Variants in EFCAB3 observed in about 807,000 individuals in gnomAD.
The protein encoded by EFCAB3 is EF-hand calcium binding domain 3, also known as EF-hand calcium-binding domain-containing protein 3.
EFCAB3 carries 36 observed loss-of-function variants against 42.2 expected under a neutral mutation model. The observed-to-expected ratio is 0.85, with a 90% CI of 0.65 to 1.13. EFCAB3 has a LOEUF of 1.13. EFCAB3 is among the 50% of genes most tolerant of loss of function. The pLI is 0.00. For synonymous variants in EFCAB3, 170 were observed against 172.8 expected (o/e 0.98, Z 0.13); for missense variants, 418 against 505.1 (o/e 0.83, Z 1.65).
chr17:62,407,119 CA>C lies in EFCAB3; in HGVS notation c.777del (p.Asp260ThrfsTer5). On this transcript the variant is annotated frameshift_variant, in exon 8 of 10. Coordinates refer to ENST00000305286, the MANE Select transcript of EFCAB3 (RefSeq NM_173503.4). LOFTEE classifies it high-confidence loss of function. Reference sequence around the variant, plus strand: ...ATGGGGTGGTGATGGGAAAGCCATTCAAAGACATGCAGAAATTAGAGATGCT... The same window carrying C: ...ATGGGGTGGTGATGGGAAAGCCATTCAAGACATGCAGAAATTAGAGATGCT... The part of the protein sequence containing the change: ...VDGVVMGKPF[K>X]DMQKLEMLRI... The C allele has an allele frequency of 6.2e-7, 1 of 1,613,178 alleles. No individual in the cohort carries two copies. Among genetic ancestry groups the C allele is most frequent in the Non-Finnish European group, 8.5e-7 (1 of 1,179,608 alleles).
At chr17:62,397,825 C>G in intron 6 of EFCAB3, 1 of 298,958 alleles carries the variant, frequency 3.3e-6, no homozygotes, top group Admixed American at 4.4e-5. Context: ...GAGTTCGAGA[C>G]CAGCCTGGCC....
chr17:62,407,660 A>AC (rs2070460100), intron 8 of EFCAB3, among the ~76,000 whole-genome samples: 1 of 152,090 alleles, frequency 6.6e-6, no homozygotes, highest in East Asian at 1.9e-4. Context: ...TCCCAGCTGC[A>AC]CCTTCTGGCC....
rs556506155 is a variant in EFCAB3 at position 62,411,413 on chromosome 17, A to G, written c.868-2319A>G. ...TGAAGAAAACACCCTGGAGCAGCAT[A>G]TATAAAAGAAAATACAACTTGAAAC... On this transcript the variant is annotated intron_variant, in intron 8 of 9. Coordinates refer to ENST00000305286, the MANE Select transcript of EFCAB3 (RefSeq NM_173503.4). Among the ~76,000 whole-genome samples, 34 of 152,314 alleles carry G rather than the reference A, an allele frequency of 2.2e-4. No individual in the cohort carries two copies. In the South Asian group the frequency reaches 5.0e-3, roughly 22 times the overall value.
chr17:62,396,459 A>T (rs1284851044), intron 6 of EFCAB3, among the ~76,000 whole-genome samples: 1 of 152,092 alleles, frequency 6.6e-6, no homozygotes, highest in Non-Finnish European at 1.5e-5. Flanking sequence ...AGGCTGAGGC[A>T]GGAGAATAGC....
intron 6 of EFCAB3, among the ~76,000 whole-genome samples, chr17:62,399,639 A>G (rs1051037638): frequency 6.6e-6 from 1 of 151,850 alleles, no homozygotes; most frequent in Non-Finnish European, 1.5e-5. Context: ...TTTTCCCTCT[A>G]TCTGGATACT....
chr17:62,405,170 T>C (rs1318311207), intron 6 of EFCAB3, among the ~76,000 whole-genome samples: 3 of 152,220 alleles, frequency 2.0e-5, no homozygotes, highest in Non-Finnish European at 4.4e-5. Flanking sequence ...AAACTGAGTC[T>C]TGAAGGACCT....
At chr17:62,371,538 C>T (rs943965992) in intron 1 of EFCAB3, among the ~76,000 whole-genome samples, 1 of 152,170 alleles carries the variant, frequency 6.6e-6, no homozygotes, top group African/African-American at 2.4e-5. Context: ...AGCCTGGTGA[C>T]AGAGTGAGAC....
intron 3 of EFCAB3, among the ~76,000 whole-genome samples, chr17:62,388,360 G>C (rs1004740699): frequency 6.6e-6 from 1 of 152,202 alleles, no homozygotes; most frequent in African/African-American, 2.4e-5. Flanking sequence ...CCCAGAGAAG[G>C]CTGAATGACG....
chr17:62,372,177 G>A (rs542150426), intron 1 of EFCAB3, among the ~76,000 whole-genome samples: 7 of 152,248 alleles, frequency 4.6e-5, no homozygotes, highest in Non-Finnish European at 7.4e-5. Context: ...GAACCAATCC[G>A]TTGCAAACAT....
chr17:62,397,561 G>T, intron 6 of EFCAB3: 1 of 591,278 alleles, frequency 1.7e-6, no homozygotes, highest in Non-Finnish European at 3.3e-6. Flanking sequence ...AAGGAATTGT[G>T]CTGGAAAAAA....
chr17:62,372,576 C>T (rs746735647), intron 1 of EFCAB3, among the ~76,000 whole-genome samples: 5 of 152,140 alleles, frequency 3.3e-5, no homozygotes, highest in Non-Finnish European at 7.3e-5. Context: ...CCACCGCGCC[C>T]GGCCAGTTGA....
At chr17:62,383,133 T>C (rs1272783103) in intron 2 of EFCAB3, 80 bp downstream of exon 2, 3 of 1,368,186 alleles carry the variant, frequency 2.2e-6, no homozygotes, top group Non-Finnish European at 3.0e-6. Context: ...GAATTTTGTC[T>C]AGCAGGTTTT....
chr17:62,377,509 G>A (rs2070160293), upstream of EFCAB3, among the ~76,000 whole-genome samples: 1 of 152,156 alleles, frequency 6.6e-6, no homozygotes, highest in African/African-American at 2.4e-5. Flanking sequence ...CCATAGAAAG[G>A]GGTGGGGTGA....
At chr17:62,404,097 C>G (rs2144102358) in intron 6 of EFCAB3, among the ~76,000 whole-genome samples, 1 of 152,288 alleles carries the variant, frequency 6.6e-6, no homozygotes, top group Admixed American at 6.5e-5. Context: ...AAAAAATTAC[C>G]ACAGCCAGGA....
At chr17:62,403,339 C>T (rs576073817) in intron 6 of EFCAB3, among the ~76,000 whole-genome samples, 5 of 152,306 alleles carry the variant, frequency 3.3e-5, no homozygotes, top group East Asian at 1.9e-4. Context: ...CACAGAAACA[C>T]CCTAGTGTAA....
chr17:62,384,913 T>G (rs1470677337), intron 2 of EFCAB3, among the ~76,000 whole-genome samples: 1 of 152,204 alleles, frequency 6.6e-6, no homozygotes, highest in Non-Finnish European at 1.5e-5. Context: ...CAACACTTTA[T>G]TACAAAATAG....
At chr17:62,395,775 G>A (rs544405757) in intron 6 of EFCAB3, among the ~76,000 whole-genome samples, 1 of 152,206 alleles carries the variant, frequency 6.6e-6, no homozygotes, top group East Asian at 1.9e-4. Context: ...GTAGCGCTGA[G>A]AGTAAATCAC....
intron 3 of EFCAB3, 139 bp from the exon 4 acceptor site, chr17:62,391,683 T>G (rs535003773): frequency 2.3e-6 from 2 of 864,028 alleles, no homozygotes; most frequent in Admixed American, 5.0e-5. Flanking sequence ...ATAAGAAATG[T>G]CTATTAAGCA....
rs1355633862 is a variant in EFCAB3, at chr17:62,389,258, G to A, written c.151+1842G>A. ...GGGATGACTAGGGCAGGGAAGTAGT[G>A]TCTCTGACTGTAAGAGGTGGAGAAG... On this transcript the variant is annotated intron_variant, in intron 3 of 9. Transcript: ENST00000305286. Among the ~76,000 whole-genome samples, 3 of 152,338 alleles carry A rather than the reference G, an allele frequency of 2.0e-5. No individual in the cohort carries two copies. The East Asian group carries it at 5.8e-4, about 29-fold the overall frequency.
Sources: allele counts gnomAD v4.1 joint callset (sites outside exome capture counted in the v4.1 genomes callset), GRCh38; gene constraint gnomAD v4.1.1; transcripts MANE v1.5; gene names NCBI Gene and HGNC (gene_info 2026-07-23, HGNC 2026-07-21).